Variants in PDE1A observed in about 807,000 individuals in gnomAD.
PDE1A encodes the protein phosphodiesterase 1A.
Under a neutral mutation model 61.7 loss-of-function variants are expected in PDE1A, and 35 were observed. The observed-to-expected ratio is 0.57, with a 90% CI of 0.43 to 0.75. PDE1A has a LOEUF of 0.75. PDE1A is among the 30% of genes least tolerant of loss of function. The pLI is 0.00. For synonymous variants in PDE1A, 232 were observed against 213.2 expected, an observed-to-expected ratio of 1.09 and a Z score of -0.77; for missense variants, 597 against 630.6, an observed-to-expected ratio of 0.95 and a Z score of 0.57.
At chr2:182,189,298 T>C (rs948260804) in intron 10 of PDE1A, among the ~76,000 whole-genome samples, 1 of 152,242 alleles carries the variant, frequency 6.6e-6, no homozygotes, top group East Asian at 1.9e-4. Context: ...CTGGAGACTT[T>C]GCTTTGGCAT....
chr2:182,539,082 C>G, the PDE1A span, among the ~76,000 whole-genome samples: 1 of 152,216 alleles, frequency 6.6e-6, no homozygotes, highest in Non-Finnish European at 1.5e-5. Context: ...TCCCCACACT[C>G]TCTTTCCCAC....
At chr2:182,311,375 CAAA>C (rs1268914737) in intron 1 of PDE1A, among the ~76,000 whole-genome samples, 1 of 152,138 alleles carries the variant, frequency 6.6e-6, no homozygotes, top group African/African-American at 2.4e-5. Flanking sequence ...ATTTATGTAA[CAAA>C]AATAATCTTT....
intron 2 of PDE1A, among the ~76,000 whole-genome samples, chr2:182,520,519 T>C (rs897203857): frequency 1.3e-5 from 2 of 152,012 alleles, no homozygotes; most frequent in African/African-American, 4.8e-5. Context: ...TACTGTTGGA[T>C]GACTCTATCA....
At chr2:182,472,994 G>A (rs894453402) in intron 2 of PDE1A, among the ~76,000 whole-genome samples, 5 of 149,600 alleles carry the variant, frequency 3.3e-5, no homozygotes, top group Admixed American at 2.7e-4. Flanking sequence ...TAAGTTTTAG[G>A]GTACATGTGC....
chr2:182,277,644 A>G (rs948631079), intron 1 of PDE1A, among the ~76,000 whole-genome samples: 1 of 152,014 alleles, frequency 6.6e-6, no homozygotes, highest in African/African-American at 2.4e-5. Context: ...ACAACAAAAA[A>G]TTGCCCTAGG....
At chr2:182,186,555 G>A (rs759294012) in exon 12 of PDE1A, 2 of 1,612,342 alleles carry the variant, frequency 1.2e-6, no homozygotes, top group South Asian at 2.2e-5. Context: ...TGTCAGAAGA[G>A]AAAATGTTGG....
At chr2:182,527,918 C>A (rs1690801469), upstream of PDE1A, among the ~76,000 whole-genome samples, 1 of 152,098 alleles carries the variant, frequency 6.6e-6, no homozygotes, top group Admixed American at 6.6e-5. Context: ...TCGCCTTCCA[C>A]CACGATTGTA....
intron 11 of PDE1A, among the ~76,000 whole-genome samples, chr2:182,187,347 T>C (rs1053873216): frequency 3.3e-5 from 5 of 152,148 alleles, no homozygotes; most frequent in Admixed American, 6.5e-5. Flanking sequence ...TTCCATCCCA[T>C]GTTTAGGCAG....
intron 2 of PDE1A, among the ~76,000 whole-genome samples, chr2:182,456,866 C>T (rs1297031834): frequency 6.6e-6 from 1 of 152,032 alleles, no homozygotes; most frequent in Non-Finnish European, 1.5e-5. Flanking sequence ...CAGGTTCTCT[C>T]CTACACAAAT....
downstream of PDE1A, among the ~76,000 whole-genome samples, chr2:182,165,421 G>A (rs1284943960): frequency 1.3e-5 from 2 of 152,140 alleles, no homozygotes; most frequent in East Asian, 1.9e-4. Flanking sequence ...AGGGAGTTAG[G>A]GTGTTGGCTA....
intron 13 of PDE1A, among the ~76,000 whole-genome samples, chr2:182,180,731 G>A (rs933272251): frequency 2.0e-5 from 3 of 151,154 alleles, no homozygotes; most frequent in Admixed American, 6.6e-5. Context: ...CCAATCAATC[G>A]TAGCTTCAGT....
intron 2 of PDE1A, among the ~76,000 whole-genome samples, chr2:182,253,132 C>T (rs886433626): frequency 2.0e-5 from 3 of 152,110 alleles, no homozygotes; most frequent in African/African-American, 7.2e-5. Context: ...AGAAATCAAA[C>T]ATTTGCATTA....
chr2:182,616,990 T>C, the PDE1A span, among the ~76,000 whole-genome samples: 2 of 152,168 alleles, frequency 1.3e-5, no homozygotes, highest in African/African-American at 4.8e-5. Flanking sequence ...TTTAAAAGTT[T>C]TGTGGTGTGT....
intron 2 of PDE1A, among the ~76,000 whole-genome samples, chr2:182,465,939 A>G (rs1229628656): frequency 6.6e-6 from 1 of 152,126 alleles, no homozygotes; most frequent in Admixed American, 6.6e-5. Context: ...TTCAAAAAAT[A>G]TTTGTAAAAA....
At chr2:182,186,800 G>A (rs1469766223) in intron 11 of PDE1A, among the ~76,000 whole-genome samples, 1 of 152,108 alleles carries the variant, frequency 6.6e-6, no homozygotes, top group African/African-American at 2.4e-5. Context: ...TTGAAGCCAT[G>A]GAAGTGACAC....
At chr2:182,228,734 C>T (rs1689334388) in intron 6 of PDE1A, among the ~76,000 whole-genome samples, 1 of 152,086 alleles carries the variant, frequency 6.6e-6, no homozygotes, top group South Asian at 2.1e-4. Context: ...TAAAAGTTCT[C>T]ATTATTCTCT....
At chr2:182,198,016 T>C (rs1198441034) in intron 10 of PDE1A, among the ~76,000 whole-genome samples, 5 of 151,976 alleles carry the variant, frequency 3.3e-5, no homozygotes, top group Non-Finnish European at 7.4e-5. Context: ...TTAGAAATAT[T>C]GAGTCTTTCA....
At chr2:182,698,476 AAATT>A in the PDE1A span, among the ~76,000 whole-genome samples, 1 of 152,214 alleles carries the variant, frequency 6.6e-6, no homozygotes, top group East Asian at 1.9e-4. Context: ...GTGGTTAAAT[AAATT>A]ATGCTAACTC....
intron 1 of PDE1A, among the ~76,000 whole-genome samples, chr2:182,361,121 T>C (rs146315915): frequency 6.6e-6 from 1 of 152,086 alleles, no homozygotes; most frequent in Non-Finnish European, 1.5e-5. Context: ...CCCCAAGTAC[T>C]TACAATTAGT....
Sources: allele counts gnomAD v4.1 joint callset (sites outside exome capture counted in the v4.1 genomes callset), GRCh38; gene constraint gnomAD v4.1.1; transcripts MANE v1.5; gene names NCBI Gene and HGNC (gene_info 2026-07-23, HGNC 2026-07-21).